RSU1: variants seen among roughly 807,000 people sequenced by gnomAD.
RSU1 encodes rsu-1.
In RSU1, 26 loss-of-function variants were observed where a neutral mutation model predicts 31.1. That is an observed-to-expected ratio of 0.84 (90% CI 0.61 to 1.16). The LOEUF (loss-of-function observed/expected upper bound fraction) is 1.16, where lower values mean the gene tolerates loss of function less well. Ranked by LOEUF, RSU1 falls within the 50% of genes most tolerant of loss-of-function variation. RSU1 has a pLI of 0.00. For missense variants in RSU1, 320 were observed against 339.1 expected, an observed-to-expected ratio of 0.94 and a Z score of 0.44; for synonymous variants, 164 against 136.3, an observed-to-expected ratio of 1.20 and a Z score of -1.41.
intron 8 of RSU1, among the ~76,000 whole-genome samples, chr10:16,625,460 C>T (rs184043559): frequency 8.5e-5 from 13 of 152,266 alleles, no homozygotes; most frequent in African/African-American, 2.4e-4. Context: ...AGAAGCAAAG[C>T]GGTGTTCCTG....
At chr10:16,707,230 T>C (rs1365960903) in intron 7 of RSU1, among the ~76,000 whole-genome samples, 6 of 152,202 alleles carry the variant, frequency 3.9e-5, no homozygotes, top group Admixed American at 2.6e-4. Flanking sequence ...CTCTTCAACA[T>C]AGTAATTTCT....
At chr10:16,670,398 C>T (rs1300039071) in intron 8 of RSU1, among the ~76,000 whole-genome samples, 1 of 152,180 alleles carries the variant, frequency 6.6e-6, no homozygotes, top group African/African-American at 2.4e-5. Flanking sequence ...AATGCATACC[C>T]ACAGACATGA....
Position 16,606,636 on chromosome 10 carries a change from C to T in RSU1, c.732-13140G>A, listed in dbSNP as rs547779260. ...GTGCACACAGGAAGCTTCTCTGCCA[C>T]GTTGTATATACTAAGTCATTGAAGC... On this transcript the variant is annotated intron_variant, in intron 8 of 8. Coordinates refer to ENST00000345264, the MANE Select transcript of RSU1 (RefSeq NM_012425.4). Among the ~76,000 whole-genome samples, 286 of 152,148 alleles carry T rather than the reference C, an allele frequency of 1.9e-3. 1 individual carries two copies. The highest frequency in any genetic ancestry group is 6.6e-3 in the African/African-American group (272 of 41,484).
chr10:16,684,287 G>A (rs1302025837), intron 8 of RSU1, among the ~76,000 whole-genome samples: 1 of 152,114 alleles, frequency 6.6e-6, no homozygotes, highest in Non-Finnish European at 1.5e-5. Context: ...GAGTCAGATT[G>A]GAAAGTAAGT....
chr10:16,765,616 T>C (rs1233024150), intron 3 of RSU1, among the ~76,000 whole-genome samples: 2 of 152,232 alleles, frequency 1.3e-5, no homozygotes, highest in African/African-American at 4.8e-5. Context: ...AGACTGTAAT[T>C]CATCTATCCC....
chr10:16,764,339 T>A (rs1837269227), intron 4 of RSU1, 51 bp downstream of exon 4: 18 of 1,538,914 alleles, frequency 1.2e-5, no homozygotes, highest in Non-Finnish European at 1.6e-5. Flanking sequence ...TTACCCGGCA[T>A]GCCCCTTCCA....
At chr10:16,769,641 C>G (rs1219640949) in intron 3 of RSU1, among the ~76,000 whole-genome samples, 2 of 152,174 alleles carry the variant, frequency 1.3e-5, no homozygotes, top group African/African-American at 4.8e-5. Flanking sequence ...CAACAACTTC[C>G]CAGGGGATGC....
chr10:16,688,176 T>C (rs1835473853), intron 8 of RSU1, among the ~76,000 whole-genome samples: 1 of 152,198 alleles, frequency 6.6e-6, no homozygotes, highest in Admixed American at 6.5e-5. Context: ...ATATATTATA[T>C]GGGTTTCCCT....
At chr10:16,747,012 C>T (rs1836870469) in intron 7 of RSU1, among the ~76,000 whole-genome samples, 2 of 152,042 alleles carry the variant, frequency 1.3e-5, no homozygotes, top group South Asian at 4.2e-4. Context: ...ATCCCCCAAC[C>T]CCCATCTGTC....
At chr10:16,728,327 G>C (rs922521521) in intron 7 of RSU1, among the ~76,000 whole-genome samples, 18 of 151,938 alleles carry the variant, frequency 1.2e-4, no homozygotes, top group Admixed American at 1.1e-3. Context: ...TGAGGGAGGA[G>C]AGCAAAATAA....
At chr10:16,707,341 C>T (rs1835927786) in intron 7 of RSU1, among the ~76,000 whole-genome samples, 2 of 152,108 alleles carry the variant, frequency 1.3e-5, no homozygotes, top group African/African-American at 4.8e-5. Context: ...GGTTAATTTA[C>T]AATCCCACCA....
At chr10:16,797,030 T>G (rs1330749561) in intron 2 of RSU1, among the ~76,000 whole-genome samples, 1 of 152,124 alleles carries the variant, frequency 6.6e-6, no homozygotes, top group Admixed American at 6.5e-5. Flanking sequence ...AGAAGACCTC[T>G]GTGAGAATAG....
chr10:16,788,875 A>C (rs147642845), intron 2 of RSU1, among the ~76,000 whole-genome samples: 184 of 152,362 alleles, frequency 1.2e-3, no homozygotes, highest in African/African-American at 4.3e-3. Context: ...CCAGCTAAAA[A>C]TTAGGGGTTT....
intron 7 of RSU1, chr10:16,723,125 T>G (rs1398401769): frequency 6.6e-6 from 1 of 151,960 alleles, no homozygotes; most frequent in Non-Finnish European, 1.5e-5. Flanking sequence ...TGGCACATAA[T>G]TTGAGCTGGG....
chr10:16,749,996 C>A (rs978673753), intron 7 of RSU1, among the ~76,000 whole-genome samples: 2 of 152,122 alleles, frequency 1.3e-5, no homozygotes, highest in African/African-American at 4.8e-5. Flanking sequence ...AGCTGTGTCC[C>A]CACAGACTTG....
chr10:16,643,473 T>G (rs1045527717), intron 8 of RSU1, among the ~76,000 whole-genome samples: 1 of 152,190 alleles, frequency 6.6e-6, no homozygotes, highest in Non-Finnish European at 1.5e-5. Context: ...ATATATTACA[T>G]ACAAAATTAG....
At chr10:16,695,281 A>T (rs1835653420) in intron 7 of RSU1, 126 bp from the exon 8 acceptor site, 1 of 885,788 alleles carries the variant, frequency 1.1e-6, no homozygotes, top group Non-Finnish European at 1.6e-6. Context: ...GGATCATTTG[A>T]TGTCTTTTAA....
intron 8 of RSU1, among the ~76,000 whole-genome samples, chr10:16,608,965 T>C (rs1192179803): frequency 6.6e-6 from 1 of 152,132 alleles, no homozygotes; most frequent in Non-Finnish European, 1.5e-5. Context: ...CCCAAAGTGC[T>C]GGGACTACAG....
chr10:16,649,432 G>T (rs1323565477), intron 8 of RSU1, among the ~76,000 whole-genome samples: 1 of 152,128 alleles, frequency 6.6e-6, no homozygotes, highest in African/African-American at 2.4e-5. Flanking sequence ...GTACCTGACA[G>T]CTTTGTAACT....
Sources: gnomAD v4.1 joint callset for allele counts (sites outside exome capture counted in the v4.1 genomes callset) on GRCh38, gnomAD v4.1.1 for gene constraint, MANE v1.5 for transcripts, NCBI Gene and HGNC (gene_info 2026-07-23, HGNC 2026-07-21) for gene names.